TLDC2: variants seen among roughly 807,000 people sequenced by gnomAD.
The protein encoded by TLDC2 is TBC/LysM-associated domain containing 2.
A neutral mutation model predicts 27.9 loss-of-function variants in TLDC2; 23 were observed. The observed-to-expected ratio is 0.82, with a 90% CI of 0.59 to 1.17. The LOEUF (loss-of-function observed/expected upper bound fraction) is 1.17, where lower values mean the gene tolerates loss of function less well. Among genes scored for constraint, TLDC2 ranks in the 50% most tolerant of loss-of-function variants. The pLI is 0.00. For synonymous variants in TLDC2, 124 were observed against 107.4 expected, an observed-to-expected ratio of 1.16 and a Z score of -0.96; for missense variants, 286 against 273.4, an observed-to-expected ratio of 1.05 and a Z score of -0.32.
intron 4 of TLDC2, among the ~76,000 whole-genome samples, chr20:36,886,693 A>C (rs963123990): frequency 6.6e-6 from 1 of 152,134 alleles, no homozygotes; most frequent in African/African-American, 2.4e-5. Flanking sequence ...TCCTGGCCTC[A>C]AGTGATCCTC....
At chr20:36,877,753 C>A (rs1989705815) in intron 1 of TLDC2, 146 bp from the exon 2 acceptor site, 2 of 942,396 alleles carry the variant, frequency 2.1e-6, no homozygotes, top group African/African-American at 1.7e-5. Flanking sequence ...TCGTGGAAAC[C>A]CCCAACTACC....
At chr20:36,880,884 C>T (rs1341501374) in intron 4 of TLDC2, 134 bp downstream of exon 4, 2 of 814,046 alleles carry the variant, frequency 2.5e-6, no homozygotes, top group Non-Finnish European at 4.1e-6. Flanking sequence ...GGGGAATGAG[C>T]AGGGCAGTGG....
At chr20:36,877,506 A>G (rs916094919) in intron 1 of TLDC2, among the ~76,000 whole-genome samples, 1 of 152,128 alleles carries the variant, frequency 6.6e-6, no homozygotes, top group Admixed American at 6.6e-5. Flanking sequence ...GTACAAACAC[A>G]CACAATTGAA....
intron 4 of TLDC2, among the ~76,000 whole-genome samples, chr20:36,881,901 G>A (rs1989824310): frequency 6.6e-6 from 1 of 152,208 alleles, no homozygotes; most frequent in Non-Finnish European, 1.5e-5. Flanking sequence ...GGAGACACCT[G>A]CCATCCCTGG....
At chr20:36,881,375 G>A (rs1989811283) in intron 4 of TLDC2, among the ~76,000 whole-genome samples, 1 of 149,012 alleles carries the variant, frequency 6.7e-6, no homozygotes, top group African/African-American at 2.5e-5. Context: ...GGAAGACCCT[G>A]TCTCAAAAAA....
chr20:36,886,578 C>A (rs975009281), intron 4 of TLDC2, among the ~76,000 whole-genome samples: 1 of 151,992 alleles, frequency 6.6e-6, no homozygotes, highest in Non-Finnish European at 1.5e-5. Flanking sequence ...GGCAAAAGAG[C>A]GAGACTCTGT....
intron 4 of TLDC2, among the ~76,000 whole-genome samples, chr20:36,883,475 G>C (rs1989857753): frequency 6.6e-6 from 1 of 152,058 alleles, no homozygotes; most frequent in African/African-American, 2.4e-5. Flanking sequence ...CCCAAACGGA[G>C]CTCCTGGCTT....
rs1217559293 is a variant in TLDC2 at position 36,893,629 on chromosome 20, A to G, written c.*785A>G. The G allele has an allele frequency of 8.2e-6, 3 of 367,348 alleles. No individual in the cohort carries two copies. Among genetic ancestry groups the G allele is most frequent in the African/African-American group, 2.1e-5 (1 of 47,734 alleles). The allele number at this position is 367,348 out of a possible 1,614,324, so 22.8% of individuals were successfully genotyped here. On this transcript the variant is annotated 3_prime_UTR_variant, in exon 7 of 7. Transcript: ENST00000217320. ...GGAGGCGATACAATGACGTGAAACC[A>G]TAGAGGTAAGAAGCAAGGCCTCCTA...
chr20:36,889,683 G>C (rs1990012566), intron 6 of TLDC2: 3 of 258,434 alleles, frequency 1.2e-5, no homozygotes, highest in African/African-American at 6.6e-5. Context: ...TTCCCCGCTA[G>C]TGCCTGCCTC....
chr20:36,876,662 AACAC>A (rs767740399), intron 1 of TLDC2, among the ~76,000 whole-genome samples: 50 of 151,982 alleles, frequency 3.3e-4, no homozygotes, highest in Non-Finnish European at 5.9e-4. Context: ...TACACATGCA[AACAC>A]ACACACTCAC....
At chr20:36,886,610 AT>A (rs1212507576) in intron 4 of TLDC2, among the ~76,000 whole-genome samples, 3 of 151,620 alleles carry the variant, frequency 2.0e-5, no homozygotes, top group African/African-American at 2.4e-5. Context: ...GAGAAAAAAA[AT>A]TTTTTTTAGA....
rs1272086980 is a variant in TLDC2 at position 36,889,251 on chromosome 20, T to C, written c.513T>C (p.Ser171=). ...DLDSLMMGSG[S]GRFGLWLDGD... Reference sequence around the variant, plus strand: ...ACCAAGACTGTCCTCTTCTCTCTAGTGGCCGGTTTGGGCTGTGGTTGGATG... The same window carrying C: ...ACCAAGACTGTCCTCTTCTCTCTAGCGGCCGGTTTGGGCTGTGGTTGGATG... Residue 171 remains serine, a splice_region_variant and synonymous_variant, in exon 6 of 7, where the codon AGT becomes AGC. Coordinates refer to ENST00000217320, the MANE Select transcript of TLDC2 (RefSeq NM_080628.3). The C allele has an allele frequency of 2.5e-6, 4 of 1,614,056 alleles. No homozygotes were observed. The highest frequency in any genetic ancestry group is 4.5e-5 in the East Asian group (2 of 44,880).
intron 6 of TLDC2, chr20:36,889,744 G>A (rs1013231772): frequency 5.6e-6 from 1 of 177,210 alleles, no homozygotes; most frequent in Non-Finnish European, 1.2e-5. Flanking sequence ...GCTACTGAAC[G>A]AGGAAAACCA....
chr20:36,880,779 G>A, intron 4 of TLDC2, 29 bp downstream of exon 4: 1 of 1,603,016 alleles, frequency 6.2e-7, no homozygotes, highest in Non-Finnish European at 8.5e-7. Context: ...CATGGGGGGA[G>A]TGGGGCGTGT....
chr20:36,879,530 A>G (rs943135287), intron 3 of TLDC2, among the ~76,000 whole-genome samples: 4 of 152,072 alleles, frequency 2.6e-5, no homozygotes, highest in Admixed American at 2.6e-4. Flanking sequence ...CTGCATCTTC[A>G]TCCTCAGAAG....
intron 5 of TLDC2, 113 bp downstream of exon 5, chr20:36,887,641 C>T: frequency 2.0e-6 from 2 of 998,950 alleles, no homozygotes; most frequent in Non-Finnish European, 1.6e-6. Flanking sequence ...TAGTGGGGAA[C>T]TCTCAGGCCG....
At chr20:36,878,557 G>T (rs1989727550) in intron 2 of TLDC2, among the ~76,000 whole-genome samples, 1 of 152,046 alleles carries the variant, frequency 6.6e-6, no homozygotes, top group Non-Finnish European at 1.5e-5. Flanking sequence ...CTCCAGCCTG[G>T]GTGACAGAGT....
At chr20:36,886,621 A>C (rs1038437226) in intron 4 of TLDC2, among the ~76,000 whole-genome samples, 6 of 151,900 alleles carry the variant, frequency 3.9e-5, no homozygotes, top group Non-Finnish European at 8.8e-5. Context: ...TTTTTTTTAG[A>C]GATAGGGGAG....
At chr20:36,884,499 G>A (rs781607213) in intron 4 of TLDC2, among the ~76,000 whole-genome samples, 3 of 151,950 alleles carry the variant, frequency 2.0e-5, no homozygotes, top group Admixed American at 6.6e-5. Flanking sequence ...GCTCACGTCT[G>A]TAATCCCAGC....
Sources: gnomAD v4.1 joint callset for allele counts (sites outside exome capture counted in the v4.1 genomes callset) on GRCh38, gnomAD v4.1.1 for gene constraint, MANE v1.5 for transcripts, NCBI Gene and HGNC (gene_info 2026-07-23, HGNC 2026-07-21) for gene names.